Variants in HTRA1 observed in about 807,000 individuals in gnomAD.
HTRA1 encodes the protein serine protease HTRA1.
Under a neutral mutation model 49.7 loss-of-function variants are expected in HTRA1, and 26 were observed. The ratio of observed to expected loss-of-function variants is 0.52; its 90% CI spans 0.38 to 0.73. The LOEUF (loss-of-function observed/expected upper bound fraction) is 0.73, where lower values mean the gene tolerates loss of function less well. Among genes scored for constraint, HTRA1 ranks in the 30% least tolerant of loss-of-function variants. HTRA1 has a pLI of 0.00. For synonymous variants in HTRA1, 291 were observed against 286.9 expected (o/e 1.01, Z -0.14); for missense variants, 561 against 667.2 (o/e 0.84, Z 1.75).
At position 122,471,331 on chromosome 10, in the gene HTRA1, G is replaced by T. The variant is rs557688377; in HGVS notation, c.472+9207G>T. Among the ~76,000 whole-genome samples the T allele has an allele frequency of 6.6e-5, 10 of 152,292 alleles. No individual in the cohort carries two copies. The South Asian group carries it at 1.7e-3, about 25-fold the overall frequency. On this transcript the variant is annotated intron_variant, in intron 1 of 8. Coordinates refer to ENST00000368984, the MANE Select transcript of HTRA1 (RefSeq NM_002775.5). ...TGAGAGCATCTGGGAAGGACCATGT[G>T]CCTGGATATCGTTCTGTCTGTGGGA...
chr10:122,510,748 C>T (rs913142796), intron 7 of HTRA1, among the ~76,000 whole-genome samples: 1 of 152,162 alleles, frequency 6.6e-6, no homozygotes, highest in Non-Finnish European at 1.5e-5. Context: ...GTAGTAGACT[C>T]ACCTGGCATG....
intron 1 of HTRA1, among the ~76,000 whole-genome samples, chr10:122,486,050 T>G (rs951661632): frequency 2.0e-5 from 3 of 152,178 alleles, no homozygotes; most frequent in Admixed American, 6.5e-5. Flanking sequence ...CACCAATTAT[T>G]TGCAACTACC....
chr10:122,468,640 T>G (rs2097484833), intron 1 of HTRA1, among the ~76,000 whole-genome samples: 1 of 152,204 alleles, frequency 6.6e-6, no homozygotes, highest in Non-Finnish European at 1.5e-5. Context: ...GTATCCAAAG[T>G]CACTTTGCCT....
chr10:122,465,602 C>T (rs1457638654), intron 1 of HTRA1, among the ~76,000 whole-genome samples: 1 of 152,196 alleles, frequency 6.6e-6, no homozygotes, highest in Non-Finnish European at 1.5e-5. Flanking sequence ...CTGAAATAAA[C>T]AGGGCTCCAG....
chr10:122,496,168 C>T (rs1013348189), intron 3 of HTRA1, among the ~76,000 whole-genome samples: 3 of 139,902 alleles, frequency 2.1e-5, no homozygotes, highest in Non-Finnish European at 4.5e-5. Context: ...TAGGTGGCCG[C>T]GGCGAGCAGG....
At position 122,511,829 on chromosome 10, in the gene HTRA1, A is replaced by C. The variant is rs928275807; in HGVS notation, c.1179-141A>C. The C allele has an allele frequency of 6.0e-6, 4 of 669,476 alleles. No individual in the cohort carries two copies. In the East Asian group the frequency reaches 1.1e-4, roughly 18 times the overall value. The allele number at this position is 669,476 out of a possible 1,614,324, so 41.5% of individuals were successfully genotyped here. A position where few individuals can be genotyped will look rare whatever the true frequency, so the allele number is the denominator to read the frequency against. On this transcript the variant is annotated intron_variant, in intron 7 of 8. Transcript: ENST00000368984. Reference sequence around the variant, plus strand: ...TTGACTCTGGTAGACAGGCAATTTTAATTTTAAAATAGGATCAGAATTCCT... The same window carrying C: ...TTGACTCTGGTAGACAGGCAATTTTCATTTTAAAATAGGATCAGAATTCCT...
chr10:122,486,536 G>A (rs754954705), intron 1 of HTRA1, among the ~76,000 whole-genome samples: 5 of 152,152 alleles, frequency 3.3e-5, no homozygotes, highest in Non-Finnish European at 7.3e-5. Context: ...GCAAGCGTGG[G>A]AGAGGCAGGT....
intron 5 of HTRA1, 139 bp downstream of exon 5, chr10:122,507,541 T>A: frequency 1.4e-6 from 1 of 723,744 alleles, no homozygotes; most frequent in Non-Finnish European, 2.5e-6. Context: ...TATTATAAAT[T>A]CCTTTAAAAT....
intron 1 of HTRA1, among the ~76,000 whole-genome samples, chr10:122,470,590 G>A (rs2672593): frequency 1 from 151,745 of 151,852 alleles, 75,819 homozygotes; most frequent in Middle Eastern, 1. Flanking sequence ...TTGAAGTCCA[G>A]TGATATAAGG....
intron 3 of HTRA1, among the ~76,000 whole-genome samples, chr10:122,493,644 T>C (rs1332574462): frequency 6.6e-6 from 1 of 152,152 alleles, no homozygotes; most frequent in Non-Finnish European, 1.5e-5. Flanking sequence ...GAAAGTTACT[T>C]TAGCTACAGC....
At chr10:122,489,168 A>C (rs1672101968) in intron 2 of HTRA1, among the ~76,000 whole-genome samples, 167 bp downstream of exon 2, 1 of 152,194 alleles carries the variant, frequency 6.6e-6, no homozygotes, top group African/African-American at 2.4e-5. Flanking sequence ...CGACTATATA[A>C]ATCTACATTC....
intron 8 of HTRA1, among the ~76,000 whole-genome samples, chr10:122,512,758 A>G (rs2097506208): frequency 6.6e-6 from 1 of 152,040 alleles, no homozygotes; most frequent in African/African-American, 2.4e-5. Context: ...TTACATGAGT[A>G]AGTTCTTTGG....
chr10:122,484,503 T>G (rs2097492299), intron 1 of HTRA1, among the ~76,000 whole-genome samples: 1 of 152,286 alleles, frequency 6.6e-6, no homozygotes, highest in Admixed American at 6.5e-5. Context: ...ACACCTCCCT[T>G]TACCTCTCTG....
chr10:122,497,576 G>T (rs2097499279), intron 3 of HTRA1, among the ~76,000 whole-genome samples: 2 of 152,102 alleles, frequency 1.3e-5, no homozygotes, highest in Admixed American at 1.3e-4. Context: ...TGACAGCCGG[G>T]AGATACAAGC....
chr10:122,472,834 G>A (rs1238103578), intron 1 of HTRA1, among the ~76,000 whole-genome samples: 2 of 152,130 alleles, frequency 1.3e-5, no homozygotes, highest in Non-Finnish European at 2.9e-5. Context: ...TGTATCTAGG[G>A]TCATTCTCTT....
rs964286066 is a variant in HTRA1 at position 122,494,854 on chromosome 10, G to A, written c.777+5228G>A. Among the ~76,000 whole-genome samples, 1 of 152,184 alleles carries A rather than the reference G, an allele frequency of 6.6e-6. No individual in the cohort carries two copies. The highest frequency in any genetic ancestry group is 2.4e-5 in the African/African-American group (1 of 41,438). Reference sequence around the variant, plus strand: ...GGGGTCACTGCGGGTGAGGGGCCTGGGGCCTTTTACATGTCCCGGGAGCTG... The same window carrying A: ...GGGGTCACTGCGGGTGAGGGGCCTGAGGCCTTTTACATGTCCCGGGAGCTG... On this transcript the variant is annotated intron_variant, in intron 3 of 8. Transcript: ENST00000368984. The surrounding 1 kb of genome is among the most constrained non-coding windows in gnomAD (Gnocchi z 4.0).
chr10:122,510,157 G>A lies in HTRA1; in HGVS notation c.1178+4G>A. On this transcript the variant is annotated splice_donor_region_variant and intron_variant, in intron 7 of 8. Transcript: ENST00000368984. The stretch of plus-strand genomic sequence containing the variant: ...GAATGATGTCACTCACGTCCAGGTG[G>A]GTAAACAGGATGCGTGTCTGTGTCT... 1 of 1,612,272 alleles carries A rather than the reference G, an allele frequency of 6.2e-7. No homozygotes were observed. The highest frequency in any genetic ancestry group is 8.5e-7 in the Non-Finnish European group (1 of 1,178,288).
At chr10:122,488,775 T>C in intron 1 of HTRA1, 127 bp from the exon 2 acceptor site, 2 of 814,936 alleles carry the variant, frequency 2.5e-6, no homozygotes, top group South Asian at 1.3e-5. Flanking sequence ...GGTGGGGGAA[T>C]TGCGCTCACT....
chr10:122,502,404 G>A (rs1419968109), intron 3 of HTRA1, among the ~76,000 whole-genome samples: 1 of 152,162 alleles, frequency 6.6e-6, no homozygotes, highest in Admixed American at 6.5e-5. Flanking sequence ...CCACTACCTG[G>A]TCAGCATCCT....
Sources: gnomAD v4.1 joint callset for allele counts (sites outside exome capture counted in the v4.1 genomes callset) on GRCh38, gnomAD v4.1.1 for gene constraint, Gnocchi (gnomAD v3.1) non-coding constraint, MANE v1.5 for transcripts, NCBI Gene and HGNC (gene_info 2026-07-23, HGNC 2026-07-21) for gene names.